Variants in THSD7B observed in about 807,000 individuals in gnomAD.
THSD7B encodes the protein thrombospondin type-1 domain-containing protein 7B.
A neutral mutation model predicts 213.6 loss-of-function variants in THSD7B; 138 were observed. That is an observed-to-expected ratio of 0.65 (90% CI 0.56 to 0.74). The LOEUF (loss-of-function observed/expected upper bound fraction) is 0.74, where lower values mean the gene tolerates loss of function less well. Among genes scored for constraint, THSD7B ranks in the 30% least tolerant of loss-of-function variants. The probability of loss-of-function intolerance (pLI) is 0.00; values close to 1 mark genes in which losing one functional copy is unlikely to be tolerated. For synonymous variants in THSD7B, 742 were observed against 687.0 expected, an observed-to-expected ratio of 1.08 and a Z score of -1.25; for missense variants, 1,931 against 1,991.5, an observed-to-expected ratio of 0.97 and a Z score of 0.58.
intron 5 of THSD7B, among the ~76,000 whole-genome samples, chr2:137,139,965 T>C (rs988848): frequency 0.67 from 102,285 of 151,970 alleles, 36,369 homozygotes; most frequent in Non-Finnish European, 0.78. Context: ...AATTGGTTTT[T>C]ATTCATAAAG....
chr2:137,492,150 C>A (rs975783479), intron 15 of THSD7B, among the ~76,000 whole-genome samples: 2 of 152,086 alleles, frequency 1.3e-5, no homozygotes, highest in African/African-American at 4.8e-5. Context: ...TACAGTACTT[C>A]AAAGCAAGGG....
At chr2:137,476,497 T>C (rs1403667507) in intron 15 of THSD7B, among the ~76,000 whole-genome samples, 1 of 152,134 alleles carries the variant, frequency 6.6e-6, no homozygotes, top group Non-Finnish European at 1.5e-5. Flanking sequence ...TTTTTATATA[T>C]GGTGAGAGAT....
intron 12 of THSD7B, among the ~76,000 whole-genome samples, chr2:137,341,026 A>G (rs1684750024): frequency 6.9e-6 from 1 of 144,740 alleles, no homozygotes; most frequent in Admixed American, 7.0e-5. Flanking sequence ...AGTTACCATA[A>G]TAGCTGTAAT....
At chr2:136,784,092 T>C (rs1188898498) in intron 1 of THSD7B, among the ~76,000 whole-genome samples, 4 of 152,240 alleles carry the variant, frequency 2.6e-5, no homozygotes, top group Admixed American at 1.3e-4. Flanking sequence ...TGTGAAATAC[T>C]TTTTTAAAGA....
rs1361491761 is a variant in THSD7B at position 137,450,903 on chromosome 2, G to T, written c.3018G>T (p.Trp1006Cys). 6.2e-7 allele frequency: 1 copy of T among 1,613,278 alleles called. No homozygotes were observed. Among genetic ancestry groups the T allele is most frequent in the Non-Finnish European group, 8.5e-7 (1 of 1,179,524 alleles). ...CATTTGATTGCAAGTTAAGCGATTG[G>T]TCTAGTTGGGGGTCTTGCAGTTCAT... ...PCPFDCKLSD[W>C]SSWGSCSSSC... is the part of the protein sequence containing the mutation. Residue 1006 changes from tryptophan to cysteine, a missense_variant, in exon 15 of 28, where the codon TGG becomes TGT. Trp to Cys is a radical substitution (Grantham distance 215). Transcript: ENST00000409968.
At chr2:137,166,009 G>T (rs1024501996) in intron 6 of THSD7B, among the ~76,000 whole-genome samples, 4 of 152,130 alleles carry the variant, frequency 2.6e-5, no homozygotes, top group African/African-American at 9.7e-5. Flanking sequence ...CGGAATAGAA[G>T]AAATTAGTTA....
At chr2:137,398,938 CCGTT>C (rs1410198529) in intron 12 of THSD7B, among the ~76,000 whole-genome samples, 1 of 152,190 alleles carries the variant, frequency 6.6e-6, no homozygotes, top group Non-Finnish European at 1.5e-5. Flanking sequence ...CAGGTGCTGT[CCGTT>C]ACCCCTTTCT....
At chr2:137,547,750 C>T (rs1257579265) in intron 15 of THSD7B, among the ~76,000 whole-genome samples, 1 of 151,822 alleles carries the variant, frequency 6.6e-6, no homozygotes, top group African/African-American at 2.4e-5. Flanking sequence ...TTTGTTCTGT[C>T]CTCTTTCACT....
intron 1 of THSD7B, among the ~76,000 whole-genome samples, chr2:136,805,147 A>T (rs1682260282): frequency 6.6e-6 from 1 of 152,184 alleles, no homozygotes. Context: ...TTATTGCAGA[A>T]CCATATAGAC....
chr2:137,421,468 T>A (rs1387081581), intron 14 of THSD7B, among the ~76,000 whole-genome samples: 1 of 152,122 alleles, frequency 6.6e-6, no homozygotes, highest in East Asian at 1.9e-4. Flanking sequence ...AGGGAAATAG[T>A]TACTTACATT....
At chr2:137,131,938 G>A (rs1313250821) in intron 5 of THSD7B, among the ~76,000 whole-genome samples, 3 of 151,540 alleles carry the variant, frequency 2.0e-5, no homozygotes, top group African/African-American at 4.9e-5. Flanking sequence ...TAGCTTGATG[G>A]GGATGGCATT....
chr2:137,066,379 A>G (rs1169165198), intron 3 of THSD7B, among the ~76,000 whole-genome samples: 1 of 151,826 alleles, frequency 6.6e-6, no homozygotes. Context: ...TTTTTAGTAG[A>G]GACGGGGTTT....
intron 2 of THSD7B, among the ~76,000 whole-genome samples, chr2:136,984,898 A>G (rs1424528336): frequency 6.6e-6 from 1 of 152,148 alleles, no homozygotes; most frequent in Non-Finnish European, 1.5e-5. Flanking sequence ...GGGAGTGAAG[A>G]TCGCCCATGT....
intron 27 of THSD7B, among the ~76,000 whole-genome samples, chr2:137,669,097 G>A (rs562676177): frequency 5.3e-5 from 8 of 152,176 alleles, no homozygotes; most frequent in African/African-American, 1.9e-4. Context: ...ATTTTAATGA[G>A]ATCAAAGTGT....
chr2:136,855,347 C>T lies in THSD7B; in HGVS notation c.-35-26797C>T, dbSNP rs1485118300. ...CACCACAAAATCTTAAAATCGCTTC[C>T]TTTACCTTAGAATATCCAAACTACT... On this transcript the variant is annotated intron_variant, in intron 1 of 27. Coordinates refer to ENST00000409968, the MANE Select transcript of THSD7B (RefSeq NM_001316349.2). 2.6e-5 allele frequency among the ~76,000 whole-genome samples: 4 copies of T among 152,244 alleles called. No homozygotes were observed. The East Asian group carries it at 7.7e-4, about 29-fold the overall frequency.
intron 12 of THSD7B, among the ~76,000 whole-genome samples, chr2:137,384,718 C>T (rs1685854243): frequency 6.6e-6 from 1 of 152,150 alleles, no homozygotes; most frequent in African/African-American, 2.4e-5. Context: ...GAAGGAGGGA[C>T]TTAATGCCTT....
chr2:137,143,145 G>C (rs549906898), intron 5 of THSD7B, among the ~76,000 whole-genome samples: 1 of 152,178 alleles, frequency 6.6e-6, no homozygotes, highest in African/African-American at 2.4e-5. Context: ...ATTATGCCCT[G>C]GCTATGCCTG....
intron 5 of THSD7B, among the ~76,000 whole-genome samples, chr2:137,130,922 T>C (rs1688718011): frequency 6.6e-6 from 1 of 151,680 alleles, no homozygotes; most frequent in African/African-American, 2.4e-5. Context: ...TCAAATGGTA[T>C]TTCTAGTTCT....
intron 12 of THSD7B, among the ~76,000 whole-genome samples, chr2:137,334,837 G>T (rs1447980455): frequency 6.6e-6 from 1 of 152,194 alleles, no homozygotes; most frequent in Non-Finnish European, 1.5e-5. Flanking sequence ...GTGGGACCAG[G>T]TGGGAGTGAA....
Sources: gnomAD v4.1 joint callset for allele counts (sites outside exome capture counted in the v4.1 genomes callset) on GRCh38, gnomAD v4.1.1 for gene constraint, MANE v1.5 for transcripts, NCBI Gene and HGNC (gene_info 2026-07-23, HGNC 2026-07-21) for gene names.